ADAMTSL3: variants seen among roughly 807,000 people sequenced by gnomAD.
ADAMTSL3 encodes ADAMTS-like protein 3.
Under a neutral mutation model 201.7 loss-of-function variants are expected in ADAMTSL3, and 128 were observed. That is an observed-to-expected ratio of 0.63 (90% CI 0.55 to 0.73). The LOEUF (loss-of-function observed/expected upper bound fraction) is 0.73. Ranked by LOEUF, ADAMTSL3 falls within the 30% of genes least tolerant of loss-of-function variation. The pLI is 0.00. For missense variants in ADAMTSL3, 1,990 were observed against 2,119.6 expected (o/e 0.94, Z 1.20); for synonymous variants, 738 against 748.4 (o/e 0.99, Z 0.23).
intron 7 of ADAMTSL3, among the ~76,000 whole-genome samples, chr15:83,848,393 G>T (rs893902233): frequency 6.6e-6 from 1 of 152,174 alleles, no homozygotes; most frequent in Non-Finnish European, 1.5e-5. Flanking sequence ...ATATTGTGTG[G>T]ACAATTTATT....
intron 4 of ADAMTSL3, among the ~76,000 whole-genome samples, chr15:83,791,784 C>T (rs1596216415): frequency 1.3e-5 from 2 of 151,484 alleles, no homozygotes; most frequent in African/African-American, 4.8e-5. Flanking sequence ...GGCGTGAACC[C>T]AGGAGGCTGA....
chr15:83,703,752 A>G (rs1284669606), intron 2 of ADAMTSL3, among the ~76,000 whole-genome samples: 3 of 152,180 alleles, frequency 2.0e-5, no homozygotes, highest in Admixed American at 6.5e-5. Flanking sequence ...GGACTGGGGT[A>G]TGAGCTTTCC....
At chr15:83,876,860 T>C (rs2065186701) in intron 9 of ADAMTSL3, among the ~76,000 whole-genome samples, 1 of 152,218 alleles carries the variant, frequency 6.6e-6, no homozygotes, top group Non-Finnish European at 1.5e-5. Context: ...TGGCACGATC[T>C]CACCTCACTG....
chr15:84,016,093 T>C (rs1248391791), intron 24 of ADAMTSL3, among the ~76,000 whole-genome samples: 1 of 152,224 alleles, frequency 6.6e-6, no homozygotes, highest in Non-Finnish European at 1.5e-5. Flanking sequence ...CCAGTCCCTT[T>C]TGGAATTCTG....
chr15:83,727,498 C>G (rs1357986338), intron 3 of ADAMTSL3, among the ~76,000 whole-genome samples: 1 of 151,694 alleles, frequency 6.6e-6, no homozygotes. Context: ...TACAACTTTT[C>G]CAGTTTTTGT....
intron 3 of ADAMTSL3, among the ~76,000 whole-genome samples, chr15:83,754,096 G>C (rs1438995919): frequency 6.6e-6 from 1 of 152,112 alleles, no homozygotes; most frequent in Non-Finnish European, 1.5e-5. Context: ...TTGTGGTGGG[G>C]ACTGTCCTGG....
chr15:83,802,264 A>G (rs2063536013), intron 4 of ADAMTSL3, among the ~76,000 whole-genome samples: 1 of 152,174 alleles, frequency 6.6e-6, no homozygotes, highest in Non-Finnish European at 1.5e-5. Flanking sequence ...CTAAATATGT[A>G]TTGTAAGTAT....
chr15:83,933,675 C>A (rs929613437), intron 17 of ADAMTSL3, among the ~76,000 whole-genome samples: 4 of 152,214 alleles, frequency 2.6e-5, no homozygotes, highest in African/African-American at 9.7e-5. Flanking sequence ...GTTTTCATGG[C>A]AGCCCCTCCC....
At chr15:83,949,914 C>A (rs1395200374) in intron 19 of ADAMTSL3, among the ~76,000 whole-genome samples, 1 of 151,936 alleles carries the variant, frequency 6.6e-6, no homozygotes, top group Non-Finnish European at 1.5e-5. Context: ...GGTTCTTAAA[C>A]CTTTGTCAGA....
At chr15:83,671,755 C>G (rs923513291) in intron 2 of ADAMTSL3, among the ~76,000 whole-genome samples, 4 of 152,164 alleles carry the variant, frequency 2.6e-5, no homozygotes, top group African/African-American at 9.6e-5. Flanking sequence ...TAGTGGGGAG[C>G]AATCTAACTC....
intron 7 of ADAMTSL3, among the ~76,000 whole-genome samples, chr15:83,841,661 G>T (rs560629054): frequency 4.0e-5 from 6 of 149,812 alleles, no homozygotes; most frequent in East Asian, 3.9e-4. Flanking sequence ...GATACGGGAG[G>T]GGGGGCAGGA....
intron 2 of ADAMTSL3, among the ~76,000 whole-genome samples, chr15:83,701,097 G>A (rs552813640): frequency 6.6e-6 from 1 of 152,282 alleles, no homozygotes. Context: ...TTTGCAGAGA[G>A]CAATTTTCTT....
At position 83,923,961 on chromosome 15, in the gene ADAMTSL3, A is replaced by T; in HGVS notation, c.2045A>T (p.Asp682Val). 1 of 1,614,170 alleles carries T rather than the reference A, an allele frequency of 6.2e-7. No homozygotes were observed. ...ATCCAGACCCAGCAGACAGTCAATG[A>T]CAGCTTGTGTGATATGGTCCACCGT... ...LHIQTQQTVN[D>V]SLCDMVHRPP... Residue 682 changes from aspartate (D) to valine (V), a missense_variant, in exon 17 of 30, where the codon GAC (aspartate) becomes GTC (valine). Physicochemically the swap from Asp to Val is radical, Grantham distance 152. Transcript: ENST00000286744.
intron 7 of ADAMTSL3, among the ~76,000 whole-genome samples, chr15:83,856,085 C>A (rs2064725070): frequency 8.0e-6 from 1 of 124,466 alleles, no homozygotes; most frequent in Admixed American, 8.7e-5. Flanking sequence ...CTTTACTTAC[C>A]AGTTTTCAAA....
intron 15 of ADAMTSL3, 114 bp from the exon 16 acceptor site, chr15:83,912,978 C>A: frequency 8.9e-7 from 1 of 1,121,938 alleles, no homozygotes; most frequent in Non-Finnish European, 1.3e-6. Flanking sequence ...GTGTGGAATT[C>A]CACCGAGTGA....
intron 3 of ADAMTSL3, among the ~76,000 whole-genome samples, 193 bp downstream of exon 3, chr15:83,704,701 A>G (rs1282519181): frequency 6.6e-6 from 1 of 152,226 alleles, no homozygotes; most frequent in East Asian, 1.9e-4. Context: ...TATAATGTGC[A>G]GTTCTTTCTC....
At chr15:83,986,421 A>C (rs2141822845) in intron 21 of ADAMTSL3, among the ~76,000 whole-genome samples, 1 of 152,316 alleles carries the variant, frequency 6.6e-6, no homozygotes, top group African/African-American at 2.4e-5. Context: ...TGTATAAAGA[A>C]GTTTTGACAT....
intron 9 of ADAMTSL3, among the ~76,000 whole-genome samples, chr15:83,880,637 G>A (rs1157133890): frequency 6.6e-6 from 1 of 152,140 alleles, no homozygotes; most frequent in Non-Finnish European, 1.5e-5. Context: ...GTTATAGCTT[G>A]TTTCCAGTGA....
intron 19 of ADAMTSL3, among the ~76,000 whole-genome samples, chr15:83,967,787 A>G (rs762494398): frequency 6.6e-5 from 10 of 150,944 alleles, no homozygotes; most frequent in Non-Finnish European, 1.3e-4. Flanking sequence ...AAACTATACT[A>G]CAAGGCTACA....
Sources: gnomAD v4.1 joint callset for allele counts (sites outside exome capture counted in the v4.1 genomes callset) on GRCh38, gnomAD v4.1.1 for gene constraint, MANE v1.5 for transcripts, NCBI Gene and HGNC (gene_info 2026-07-23, HGNC 2026-07-21) for gene names.